The following CSMD1 variants were observed in gnomAD, a reference collection of about 807,000 sequenced individuals.
CSMD1 encodes CUB and Sushi multiple domains 1, also known as CUB and sushi domain-containing protein 1.
Under a neutral mutation model 417.5 loss-of-function variants are expected in CSMD1, and 213 were observed. The ratio of observed to expected loss-of-function variants is 0.51; its 90% CI spans 0.46 to 0.57. CSMD1 has a LOEUF of 0.57. Ranked by LOEUF, CSMD1 falls within the 20% of genes least tolerant of loss-of-function variation. CSMD1 has a pLI of 0.00. For synonymous variants in CSMD1, 2,862 were observed against 1,736.8 expected (o/e 1.65, Z -16.11); for missense variants, 6,923 against 4,529.7 (o/e 1.53, Z -15.17).
intron 52 of CSMD1, among the ~76,000 whole-genome samples, chr8:3,013,455 A>G (rs1305029484): frequency 6.6e-6 from 1 of 152,212 alleles, no homozygotes; most frequent in African/African-American, 2.4e-5. Flanking sequence ...TCAGAGTAAT[A>G]TCAAAAATTT....
At chr8:3,250,374 C>A (rs572811676) in intron 26 of CSMD1, among the ~76,000 whole-genome samples, 1 of 152,346 alleles carries the variant, frequency 6.6e-6, no homozygotes, top group South Asian at 2.1e-4. Flanking sequence ...CCTGTCCCTA[C>A]AAAGGACATG....
intron 1 of CSMD1, among the ~76,000 whole-genome samples, chr8:4,724,010 C>T (rs1157991081): frequency 6.6e-6 from 1 of 152,048 alleles, no homozygotes; most frequent in Non-Finnish European, 1.5e-5. Flanking sequence ...ATATGATGCT[C>T]TGTCATGACC....
At chr8:2,986,971 C>G (rs1282566796) in intron 54 of CSMD1, among the ~76,000 whole-genome samples, 1 of 152,000 alleles carries the variant, frequency 6.6e-6, no homozygotes, top group Admixed American at 6.6e-5. Flanking sequence ...TATGCAAATT[C>G]TCTACACCAT....
intron 3 of CSMD1, among the ~76,000 whole-genome samples, chr8:4,144,824 G>C (rs181424982): frequency 2.7e-5 from 4 of 150,920 alleles, no homozygotes; most frequent in Admixed American, 2.6e-4. Context: ...AGCAACATTC[G>C]CAATCATTCA....
At chr8:3,411,164 C>G (rs1365942575) in intron 12 of CSMD1, among the ~76,000 whole-genome samples, 1 of 152,142 alleles carries the variant, frequency 6.6e-6, no homozygotes, top group African/African-American at 2.4e-5. Flanking sequence ...CTTAAAAGAT[C>G]TCTCTGCAAC....
At chr8:3,908,432 C>G (rs917858437) in intron 5 of CSMD1, among the ~76,000 whole-genome samples, 1 of 152,130 alleles carries the variant, frequency 6.6e-6, no homozygotes, top group South Asian at 2.1e-4. Context: ...AAGCACAAAA[C>G]TTTGCTCGCA....
intron 2 of CSMD1, among the ~76,000 whole-genome samples, chr8:4,529,252 G>C (rs1461212477): frequency 2.0e-5 from 3 of 152,070 alleles, no homozygotes; most frequent in Non-Finnish European, 4.4e-5. Flanking sequence ...ATTCTGTTCG[G>C]AGTGGACAAT....
chr8:4,914,973 T>C (rs1002739907), intron 1 of CSMD1, among the ~76,000 whole-genome samples: 2 of 152,180 alleles, frequency 1.3e-5, no homozygotes, highest in Non-Finnish European at 2.9e-5. Flanking sequence ...TTCCGTTTCA[T>C]GTGAAATTAC....
At chr8:4,749,963 G>A (rs1031646105) in intron 1 of CSMD1, among the ~76,000 whole-genome samples, 3 of 151,562 alleles carry the variant, frequency 2.0e-5, no homozygotes, top group Non-Finnish European at 2.9e-5. Flanking sequence ...GTTCCCTCAA[G>A]TGCCTGTTTA....
chr8:3,084,300 G>A (rs892982156), intron 49 of CSMD1, among the ~76,000 whole-genome samples: 4 of 151,876 alleles, frequency 2.6e-5, no homozygotes, highest in African/African-American at 7.3e-5. Flanking sequence ...GAGGCAGGAG[G>A]ATCACCTGAG....
At chr8:4,776,653 C>A (rs991006453) in intron 1 of CSMD1, among the ~76,000 whole-genome samples, 4 of 152,194 alleles carry the variant, frequency 2.6e-5, no homozygotes, top group Non-Finnish European at 5.9e-5. Context: ...GGGTTGTGAA[C>A]TGACATAAGT....
chr8:4,664,487 G>T (rs1251429383), intron 1 of CSMD1, among the ~76,000 whole-genome samples: 1 of 152,052 alleles, frequency 6.6e-6, no homozygotes, highest in East Asian at 1.9e-4. Context: ...TTTACCCTGG[G>T]GAGTTCAAGG....
At chr8:4,035,393 A>C (rs1484000490) in intron 3 of CSMD1, among the ~76,000 whole-genome samples, 1 of 151,518 alleles carries the variant, frequency 6.6e-6, no homozygotes, top group East Asian at 1.9e-4. Context: ...TTCTTCTACT[A>C]AAAAAAAATT....
chr8:4,062,073 G>C (rs958175141), intron 3 of CSMD1, among the ~76,000 whole-genome samples: 1 of 152,114 alleles, frequency 6.6e-6, no homozygotes, highest in African/African-American at 2.4e-5. Context: ...GTGGAGCCAG[G>C]TGCCAGGAGA....
chr8:3,781,766 G>A (rs1046893514), intron 5 of CSMD1, among the ~76,000 whole-genome samples: 3 of 151,992 alleles, frequency 2.0e-5, no homozygotes, highest in Non-Finnish European at 4.4e-5. Context: ...GACAACAGAG[G>A]GCTTAGAAAT....
chr8:4,116,976 A>G (rs1802190610), intron 3 of CSMD1, among the ~76,000 whole-genome samples: 1 of 151,986 alleles, frequency 6.6e-6, no homozygotes. Flanking sequence ...AAGAGGCTAC[A>G]CCTAGTGACT....
chr8:4,573,515 T>A (rs530105633), intron 2 of CSMD1, among the ~76,000 whole-genome samples: 2 of 152,292 alleles, frequency 1.3e-5, no homozygotes, highest in South Asian at 4.1e-4. Flanking sequence ...GAAGGGCACC[T>A]GAGAGATGCC....
chr8:4,782,473 G>C (rs556902672), intron 1 of CSMD1, among the ~76,000 whole-genome samples: 5 of 152,224 alleles, frequency 3.3e-5, no homozygotes, highest in Admixed American at 6.5e-5. Flanking sequence ...TAGATTTAAA[G>C]AAATCTTATT....
chr8:3,579,650 C>G (rs2116965078), intron 9 of CSMD1, among the ~76,000 whole-genome samples: 1 of 152,286 alleles, frequency 6.6e-6, no homozygotes, highest in South Asian at 2.1e-4. Context: ...TTCACCACAC[C>G]TGGTTCCAGG....
Sources: gnomAD v4.1 joint callset for allele counts (sites outside exome capture counted in the v4.1 genomes callset) on GRCh38, gnomAD v4.1.1 for gene constraint, MANE v1.5 for transcripts, NCBI Gene and HGNC (gene_info 2026-07-23, HGNC 2026-07-21) for gene names.